CLGN: variants seen among roughly 807,000 people sequenced by gnomAD.
CLGN encodes the protein testis tissue sperm-binding protein Li 79P.
CLGN carries 62 observed loss-of-function variants against 79.1 expected under a neutral mutation model. The observed-to-expected ratio is 0.78, with a 90% CI of 0.64 to 0.97. The LOEUF (loss-of-function observed/expected upper bound fraction) is 0.97, where lower values mean the gene tolerates loss of function less well. Ranked by LOEUF, CLGN falls within the 50% of genes least tolerant of loss-of-function variation. CLGN has a pLI of 0.00. For synonymous variants in CLGN, 225 were observed against 224.7 expected (o/e 1.00, Z -0.01); for missense variants, 647 against 715.5 (o/e 0.90, Z 1.09).
intron 8 of CLGN, among the ~76,000 whole-genome samples, chr4:140,396,874 C>CATATAT (rs759900454): frequency 1.0e-3 from 111 of 109,536 alleles, no homozygotes; most frequent in Middle Eastern, 5.1e-3. Flanking sequence ...TATATATATA[C>CATATAT]ATATATATAT....
chr4:140,395,859 C>T lies in CLGN; in HGVS notation c.1109G>A (p.Gly370Glu). 1 of 1,583,402 alleles carries T rather than the reference C, an allele frequency of 6.3e-7. No individual in the cohort carries two copies. Among genetic ancestry groups the T allele is most frequent in the Non-Finnish European group, 8.5e-7 (1 of 1,169,664 alleles). Residue 370 changes from glycine to glutamate, a missense_variant, in exon 10 of 15, where the codon GGA becomes GAA. Physicochemically the swap from Gly to Glu is moderately conservative, Grantham distance 98. Coordinates refer to ENST00000325617, the MANE Select transcript of CLGN (RefSeq NM_004362.3). ...ATCGACCAGTGGAGGTCTCCATACTCCTTTGTATTTTGGGTTATCTATCAT... is the reference window on the plus strand; with the variant it reads ...ATCGACCAGTGGAGGTCTCCATACTTCTTTGTATTTTGGGTTATCTATCAT... Reference protein sequence around the residue: ...PPMIDNPKYKGVWRPPLVDNP... With the variant: ...PPMIDNPKYKEVWRPPLVDNP...
intron 1 of CLGN, chr4:140,426,851 T>C (rs1282732656): frequency 6.6e-6 from 1 of 152,232 alleles, no homozygotes; most frequent in Non-Finnish European, 1.5e-5. Context: ...ATAATGAGTC[T>C]AGTAATTAGG....
chr4:140,425,429 GGTGTGTGTGTGT>G (rs754897067), intron 1 of CLGN, among the ~76,000 whole-genome samples: 199 of 116,948 alleles, frequency 1.7e-3, no homozygotes, highest in African/African-American at 5.5e-3. Context: ...GAATCAATAG[GGTGTGTGTGTGT>G]GTGTGTGTGT....
At chr4:140,423,615 A>G (rs371318552) in intron 1 of CLGN, among the ~76,000 whole-genome samples, 1 of 152,144 alleles carries the variant, frequency 6.6e-6, no homozygotes, top group Non-Finnish European at 1.5e-5. Context: ...TAATTCTTTC[A>G]ATGTTTGGTA....
chr4:140,413,514 C>A (rs567603979), intron 1 of CLGN, among the ~76,000 whole-genome samples: 21 of 152,108 alleles, frequency 1.4e-4, no homozygotes, highest in Non-Finnish European at 1.6e-4. Context: ...GTGCGTGAGC[C>A]GAAGCAGGGC....
chr4:140,416,513 A>T (rs1470901945), intron 1 of CLGN, among the ~76,000 whole-genome samples: 5 of 152,130 alleles, frequency 3.3e-5, no homozygotes, highest in Non-Finnish European at 7.3e-5. Context: ...AAAATGATAA[A>T]GGGGATATCA....
At chr4:140,401,495 A>C (rs896490836) in intron 6 of CLGN, among the ~76,000 whole-genome samples, 2 of 152,180 alleles carry the variant, frequency 1.3e-5, no homozygotes, top group African/African-American at 4.8e-5. Context: ...GGCTATAAGA[A>C]ATATCCCCAA....
intron 4 of CLGN, 62 bp downstream of exon 4, chr4:140,409,775 C>T: frequency 8.9e-7 from 1 of 1,122,120 alleles, no homozygotes; most frequent in Non-Finnish European, 1.3e-6. Flanking sequence ...AAAATCTAAT[C>T]TCAAAGTTTA....
chr4:140,395,898 T>C lies in CLGN; in HGVS notation c.1070A>G (p.Glu357Gly). 6 of 1,603,354 alleles carry C rather than the reference T, an allele frequency of 3.7e-6. No individual in the cohort carries two copies. The highest frequency in any genetic ancestry group is 5.1e-6 in the Non-Finnish European group (6 of 1,176,498). The change falls in exon 10 of 15, where the codon GAG (glutamate) becomes GGG (glycine). Residue 357 changes from glutamate to glycine, a missense_variant. Glu to Gly is a moderately conservative substitution (Grantham distance 98). Coordinates refer to ENST00000325617, the MANE Select transcript of CLGN (RefSeq NM_004362.3). ...GTTATCTATCATGGGAGGTTTCCAC[T>C]CACCACACCCAATCCGACATGCTGG... ...LNPACRIGCG[E>G]WKPPMIDNPK...
chr4:140,425,180 T>C (rs1729541198), intron 1 of CLGN, among the ~76,000 whole-genome samples: 1 of 152,212 alleles, frequency 6.6e-6, no homozygotes. Context: ...GACCATTACC[T>C]GGTTCCAGCC....
At position 140,399,314 on chromosome 4, in the gene CLGN, A is replaced by T. The variant is rs190083522; in HGVS notation, c.695-274T>A. Reference sequence around the variant, plus strand: ...ACCAAATAGCTCTGTTTTGGGACTCATAACGAGTCAGCTTCACTCTTTTAT... The same window carrying T: ...ACCAAATAGCTCTGTTTTGGGACTCTTAACGAGTCAGCTTCACTCTTTTAT... On this transcript the variant is annotated intron_variant, in intron 7 of 14. Transcript: ENST00000325617. Among the ~76,000 whole-genome samples, 510 of 152,336 alleles carry T rather than the reference A, an allele frequency of 3.3e-3. 2 individuals carry two copies. Among genetic ancestry groups the T allele is most frequent in the African/African-American group, 0.011 (473 of 41,572 alleles).
intron 2 of CLGN, among the ~76,000 whole-genome samples, chr4:140,411,321 C>G (rs1479267057): frequency 1.3e-5 from 2 of 152,006 alleles, no homozygotes; most frequent in African/African-American, 4.8e-5. Context: ...AATTGTAGAA[C>G]TTACATATAA....
At chr4:140,406,289 A>C (rs1324164293) in intron 4 of CLGN, among the ~76,000 whole-genome samples, 1 of 152,192 alleles carries the variant, frequency 6.6e-6, no homozygotes, top group African/African-American at 2.4e-5. Context: ...CATCTTCTTA[A>C]CTAAAGTTGT....
intron 8 of CLGN, among the ~76,000 whole-genome samples, chr4:140,397,241 G>C (rs981652552): frequency 6.6e-6 from 1 of 151,922 alleles, no homozygotes; most frequent in African/African-American, 2.4e-5. Context: ...CTGTCCTTGC[G>C]AAGAGTGTTA....
intron 1 of CLGN, among the ~76,000 whole-genome samples, chr4:140,415,595 A>G (rs1011040821): frequency 6.6e-6 from 1 of 150,736 alleles, no homozygotes; most frequent in African/African-American, 2.4e-5. Flanking sequence ...AGATCAAAAG[A>G]GACAAAGAAG....
At position 140,413,107 on chromosome 4, in the gene CLGN, T is replaced by C; in HGVS notation, c.-9-20A>G. On this transcript the variant is annotated intron_variant, in intron 1 of 14. Coordinates refer to ENST00000325617, the MANE Select transcript of CLGN (RefSeq NM_004362.3). ...GATTATCTGTGAAATTAAAAGTAAT[T>C]AGTGAAAATAAAACAAAATTGTGAA... 4 of 1,588,614 alleles carry C rather than the reference T, an allele frequency of 2.5e-6. No homozygotes were observed. Among genetic ancestry groups the C allele is most frequent in the Non-Finnish European group, 3.4e-6 (4 of 1,167,108 alleles).
Position 140,410,593 on chromosome 4 carries a change from C to G in CLGN, c.178G>C (p.Val60Leu), listed in dbSNP as rs774124333. 1.2e-6 allele frequency: 2 copies of G among 1,603,202 alleles called. No homozygotes were observed. The highest frequency in any genetic ancestry group is 1.7e-6 in the Non-Finnish European group (2 of 1,170,694). ...KYKTPQPIGE[V>L]YFAETFDSGR... ...CTATCAAAAGTTTCTGCAAAATATA[C>G]TTCTCCTATAGGTTGAGGTGTCTTA... is the stretch of plus-strand genomic sequence containing the variant. Residue 60 changes from valine (V) to leucine (L), a missense_variant, in exon 3 of 15, where the codon GTA becomes CTA. Transcript: ENST00000325617.
At position 140,389,226 on chromosome 4, in the gene CLGN, A is replaced by C. The variant is rs746754021; in HGVS notation, c.1831T>G (p.Ter611GluextTer7). ...SVRKRRVRKD[*>E] ...AATTAAAAATATTTCAATCTAGTTT[A>C]GTCCTTTCGTACTCTTCTTTTGCGT... Residue 611 changes from the stop codon to glutamate, a stop_lost, in exon 15 of 15, where the codon TAA (stop) becomes GAA (glutamate). Coordinates refer to ENST00000325617, the MANE Select transcript of CLGN (RefSeq NM_004362.3). 1.9e-6 allele frequency: 3 copies of C among 1,611,142 alleles called. No homozygotes were observed. The highest frequency in any genetic ancestry group is 1.7e-4 in the Middle Eastern group (1 of 6,052).
chr4:140,413,847 A>G (rs1274840019), intron 1 of CLGN, among the ~76,000 whole-genome samples: 1 of 152,266 alleles, frequency 6.6e-6, no homozygotes, highest in Non-Finnish European at 1.5e-5. Context: ...AACTGGGCGG[A>G]GCCCACCACA....
Sources: gnomAD v4.1 joint callset for allele counts (sites outside exome capture counted in the v4.1 genomes callset) on GRCh38, gnomAD v4.1.1 for gene constraint, MANE v1.5 for transcripts, NCBI Gene and HGNC (gene_info 2026-07-23, HGNC 2026-07-21) for gene names.